The following TANC2 variants were observed in gnomAD, a reference collection of about 807,000 sequenced individuals.
TANC2 encodes the protein protein TANC2.
In TANC2, 26 loss-of-function variants were observed where a neutral mutation model predicts 210.5. That is an observed-to-expected ratio of 0.12 (90% confidence interval 0.09 to 0.17). TANC2 has a LOEUF of 0.17. TANC2 is among the 10% of genes least tolerant of loss of function. TANC2 has a pLI of 1.00. For missense variants in TANC2, 2,129 were observed against 2,608.9 expected, an observed-to-expected ratio of 0.82 and a Z score of 4.01; for synonymous variants, 931 against 967.1, an observed-to-expected ratio of 0.96 and a Z score of 0.69.
At chr17:63,417,301 T>C (rs1169341895) in intron 26 of TANC2, among the ~76,000 whole-genome samples, 1 of 152,192 alleles carries the variant, frequency 6.6e-6, no homozygotes, top group Non-Finnish European at 1.5e-5. Flanking sequence ...CTCATGACCA[T>C]AACCAGAGGC....
chr17:63,356,405 G>A (rs1369005601), intron 14 of TANC2, among the ~76,000 whole-genome samples: 1 of 152,118 alleles, frequency 6.6e-6, no homozygotes, highest in African/African-American at 2.4e-5. Flanking sequence ...TCAAAAAGAA[G>A]AGGCCAGATT....
chr17:63,023,981 T>G (rs2034452144), intron 2 of TANC2, among the ~76,000 whole-genome samples: 1 of 152,244 alleles, frequency 6.6e-6, no homozygotes, highest in Non-Finnish European at 1.5e-5. Flanking sequence ...TCATATCTAT[T>G]TCCATTCATC....
Position 63,420,918 on chromosome 17 carries a change from T to A in TANC2, c.5188T>A (p.Ser1730Thr), listed in dbSNP as rs1259852581. ...CCATTCAATGGCCAGTAAATACCAGTCTTCACAAGGAGACATAGGAGTCAG... is the reference window on the plus strand; with the variant it reads ...CCATTCAATGGCCAGTAAATACCAGACTTCACAAGGAGACATAGGAGTCAG... The change falls in exon 28 of 28, where the codon TCT becomes ACT. Residue 1730 changes from serine to threonine, a missense_variant. Coordinates refer to ENST00000689528, the Ensembl canonical transcript of TANC2. This position sits in a 1 kb window ranked among gnomAD's most constrained non-coding sequence, Gnocchi z 4.2. 6.2e-7 allele frequency: 1 copy of A among 1,613,910 alleles called. No homozygotes were observed.
intron 2 of TANC2, among the ~76,000 whole-genome samples, chr17:63,034,776 C>A (rs239366): frequency 0.94 from 143,495 of 152,222 alleles, 67,759 homozygotes; most frequent in South Asian, 0.99. Context: ...ATTCGAAATA[C>A]AGCCTGAAGA....
intron 14 of TANC2, among the ~76,000 whole-genome samples, chr17:63,369,962 C>A (rs2047217289): frequency 6.6e-6 from 1 of 151,982 alleles, no homozygotes; most frequent in Non-Finnish European, 1.5e-5. Flanking sequence ...AGACCAAGCG[C>A]TTTTGAGTAT....
At chr17:63,058,288 T>G (rs1382349674) in intron 2 of TANC2, among the ~76,000 whole-genome samples, 1 of 152,126 alleles carries the variant, frequency 6.6e-6, no homozygotes, top group Admixed American at 6.6e-5. Flanking sequence ...GGTTGTTTGG[T>G]TTTTTAAGTT....
chr17:62,968,000 G>A (rs1019782021), intron 1 of TANC2, among the ~76,000 whole-genome samples: 1 of 152,050 alleles, frequency 6.6e-6, no homozygotes, highest in East Asian at 1.9e-4. Flanking sequence ...TCTGTATCTA[G>A]ATATTTATTT....
At position 63,420,003 on chromosome 17, in the gene TANC2, T is replaced by C; in HGVS notation, c.4273T>C (p.Phe1425Leu). The C allele has an allele frequency of 6.5e-7, 1 of 1,539,364 alleles. No homozygotes were observed. Among genetic ancestry groups the C allele is most frequent in the East Asian group, 2.5e-5 (1 of 40,650 alleles). ...TGTTCACATTTTGTCAAGCAGACAG[T>C]TCGCAGCAGCCTTAGAGGACCTGAA... Residue 1425 changes from phenylalanine to leucine, a missense_variant, in exon 28 of 28, where the codon TTC (phenylalanine) becomes CTC (leucine). Phe to Leu is a conservative substitution (Grantham distance 22, BLOSUM62 0). Transcript: ENST00000689528. The surrounding 1 kb of genome is among the most constrained non-coding windows in gnomAD (Gnocchi z 4.2).
chr17:63,328,300 G>T (rs1257246307), intron 11 of TANC2, among the ~76,000 whole-genome samples: 4 of 151,834 alleles, frequency 2.6e-5, no homozygotes, highest in African/African-American at 9.7e-5. Flanking sequence ...TAACAAACCT[G>T]CCCATGTACT....
At chr17:63,056,584 A>G (rs1218552834) in intron 2 of TANC2, among the ~76,000 whole-genome samples, 2 of 151,934 alleles carry the variant, frequency 1.3e-5, no homozygotes, top group Non-Finnish European at 2.9e-5. Context: ...GAGGTTTAGG[A>G]GGGAGGATCA....
At chr17:63,263,403 C>T (rs1216573408) in intron 8 of TANC2, among the ~76,000 whole-genome samples, 1 of 152,132 alleles carries the variant, frequency 6.6e-6, no homozygotes, top group Non-Finnish European at 1.5e-5. Flanking sequence ...TCCAAAGTGT[C>T]AGTAAAATAA....
chr17:63,128,360 T>C (rs1255126581), intron 4 of TANC2, among the ~76,000 whole-genome samples: 1 of 152,186 alleles, frequency 6.6e-6, no homozygotes, highest in Non-Finnish European at 1.5e-5. Flanking sequence ...CCCACAAATG[T>C]ATATGCCTAC....
intron 3 of TANC2, among the ~76,000 whole-genome samples, chr17:63,095,936 T>C (rs974874417): frequency 1.3e-5 from 2 of 152,080 alleles, no homozygotes; most frequent in Admixed American, 6.6e-5. Flanking sequence ...CCTTAAGGAG[T>C]GTTATTAGTT....
intron 5 of TANC2, among the ~76,000 whole-genome samples, chr17:63,186,071 C>CTA: frequency 6.6e-6 from 1 of 152,252 alleles, no homozygotes; most frequent in East Asian, 1.9e-4. Flanking sequence ...GGTCTATAAT[C>CTA]TATATGAAAC....
intron 1 of TANC2, among the ~76,000 whole-genome samples, chr17:62,974,876 G>A (rs2031913021): frequency 6.6e-6 from 1 of 152,124 alleles, no homozygotes; most frequent in Admixed American, 6.5e-5. Context: ...AATTCATAAA[G>A]AAAAGTACGT....
rs186888652 is a variant in TANC2 at position 63,241,803 on chromosome 17, T to A, written c.1033+3726T>A. 3.2e-4 allele frequency among the ~76,000 whole-genome samples: 48 copies of A among 152,282 alleles called. 1 individual carries two copies. The East Asian group carries it at 8.3e-3, about 26-fold the overall frequency. On this transcript the variant is annotated intron_variant, in intron 8 of 27. Transcript: ENST00000689528. ...GATGTGTTTCACATGACTTCATGAA[T>A]TACATAGAGCATCAGAAATGTGTAA...
At chr17:63,423,238 G>A (rs1358179629) in exon 28 of TANC2, 2 of 152,196 alleles carry the variant, frequency 1.3e-5, no homozygotes, top group Non-Finnish European at 2.9e-5. Context: ...GTTTCAGGGT[G>A]AAGAAAGACC....
At chr17:63,118,140 TA>T (rs2038323353) in intron 4 of TANC2, among the ~76,000 whole-genome samples, 1 of 152,178 alleles carries the variant, frequency 6.6e-6, no homozygotes, top group Non-Finnish European at 1.5e-5. Context: ...ATACCTTTTT[TA>T]AAAAATAACA....
At chr17:63,083,510 A>G (rs2036853151) in intron 3 of TANC2, among the ~76,000 whole-genome samples, 1 of 152,158 alleles carries the variant, frequency 6.6e-6, no homozygotes, top group Non-Finnish European at 1.5e-5. Context: ...TCCTCAGACC[A>G]GAAAGGGAGG....
Sources: allele counts gnomAD v4.1 joint callset (sites outside exome capture counted in the v4.1 genomes callset), GRCh38; gene constraint gnomAD v4.1.1; non-coding constraint Gnocchi (gnomAD v3.1); transcripts MANE v1.5; gene names NCBI Gene and HGNC (gene_info 2026-07-23, HGNC 2026-07-21).